The following TSGA10 variants were observed in gnomAD, a reference collection of about 807,000 sequenced individuals.
The protein encoded by TSGA10 is testis-specific gene 10 protein.
TSGA10 carries 43 observed loss-of-function variants against 96.6 expected under a neutral mutation model. The observed-to-expected ratio is 0.44, with a 90% CI of 0.35 to 0.57. TSGA10 has a LOEUF of 0.57. TSGA10 is among the 20% of genes least tolerant of loss of function. TSGA10 has a pLI of 0.01. For missense variants in TSGA10, 703 were observed against 834.4 expected, an observed-to-expected ratio of 0.84 and a Z score of 1.94; for synonymous variants, 229 against 269.9, an observed-to-expected ratio of 0.85 and a Z score of 1.48.
intron 4 of TSGA10, among the ~76,000 whole-genome samples, 189 bp from the exon 5 acceptor site, chr2:99,111,104 A>G (rs574346447): frequency 6.6e-6 from 1 of 152,294 alleles, no homozygotes; most frequent in South Asian, 2.1e-4. Context: ...CCAGAATGAA[A>G]TAACAATTCT....
intron 20 of TSGA10, among the ~76,000 whole-genome samples, chr2:99,016,599 C>G (rs1269004492): frequency 3.3e-5 from 5 of 152,116 alleles, no homozygotes; most frequent in African/African-American, 4.8e-5. Context: ...GATTTCATGA[C>G]CAAGAACCCA....
intron 20 of TSGA10, among the ~76,000 whole-genome samples, chr2:99,008,788 G>A (rs2078728171): frequency 6.6e-6 from 1 of 152,156 alleles, no homozygotes; most frequent in African/African-American, 2.4e-5. Flanking sequence ...AGTTTAGGAG[G>A]TGGGTTGCAT....
chr2:99,061,134 G>T (rs966242194), intron 16 of TSGA10, among the ~76,000 whole-genome samples: 1 of 152,126 alleles, frequency 6.6e-6, no homozygotes, highest in Non-Finnish European at 1.5e-5. Flanking sequence ...CAATGACTGG[G>T]AGAAAATATC....
At chr2:99,090,650 A>C (rs1045262608) in intron 10 of TSGA10, among the ~76,000 whole-genome samples, 1 of 152,204 alleles carries the variant, frequency 6.6e-6, no homozygotes, top group Non-Finnish European at 1.5e-5. Flanking sequence ...CAGCAATAGA[A>C]CTGAACAAAC....
chr2:99,027,683 T>C (rs1457351415), intron 17 of TSGA10, among the ~76,000 whole-genome samples: 1 of 152,090 alleles, frequency 6.6e-6, no homozygotes, highest in Non-Finnish European at 1.5e-5. Context: ...TAATTATTAT[T>C]TGTCAACTAA....
intron 18 of TSGA10, 28 bp from the exon 19 acceptor site, chr2:99,018,668 T>G (rs1400687910): frequency 1.3e-6 from 2 of 1,567,452 alleles, no homozygotes. Flanking sequence ...AGAGTTATAG[T>G]TGACTAAACT....
intron 16 of TSGA10, among the ~76,000 whole-genome samples, chr2:99,039,966 G>A (rs374777075): frequency 3.9e-5 from 6 of 151,952 alleles, no homozygotes; most frequent in East Asian, 1.9e-4. Flanking sequence ...ATGGTTTAAC[G>A]TAAGTAAGTC....
At position 99,065,138 on chromosome 2, in the gene TSGA10, T is replaced by C; in HGVS notation, c.1219-14A>G. 1.1e-5 allele frequency: 18 copies of C among 1,608,598 alleles called. No individual in the cohort carries two copies. Among genetic ancestry groups the C allele is most frequent in the African/African-American group, 2.7e-5 (2 of 74,564 alleles). ...GTTCTCAGATTCCTGAAAAGCAAACTTTAGCTATTACTTTAAAATGCTGAA... is the reference window on the plus strand; with the variant it reads ...GTTCTCAGATTCCTGAAAAGCAAACCTTAGCTATTACTTTAAAATGCTGAA... On this transcript the variant is annotated splice_polypyrimidine_tract_variant and intron_variant, in intron 15 of 20. Transcript: ENST00000393483.
intron 16 of TSGA10, among the ~76,000 whole-genome samples, chr2:99,039,181 A>G (rs1006637903): frequency 2.0e-5 from 3 of 152,046 alleles, no homozygotes; most frequent in Non-Finnish European, 4.4e-5. Context: ...GCCTAAATCA[A>G]AAAGTCTGAA....
intron 18 of TSGA10, among the ~76,000 whole-genome samples, chr2:99,019,222 C>T (rs1558742077): frequency 1.3e-5 from 2 of 152,292 alleles, no homozygotes; most frequent in East Asian, 3.9e-4. Context: ...TCTTCACTTG[C>T]TTTCAGGATA....
At chr2:99,062,390 A>G (rs907473948) in intron 16 of TSGA10, among the ~76,000 whole-genome samples, 1 of 152,204 alleles carries the variant, frequency 6.6e-6, no homozygotes, top group Non-Finnish European at 1.5e-5. Flanking sequence ...ATTAGACACA[A>G]CAAAGTAAAA....
chr2:99,012,301 C>G (rs1011914237), intron 20 of TSGA10, among the ~76,000 whole-genome samples: 12 of 152,092 alleles, frequency 7.9e-5, no homozygotes, highest in Admixed American at 3.9e-4. Flanking sequence ...AAGGCAACAA[C>G]TAATGTGATG....
chr2:99,105,336 C>T, intron 9 of TSGA10, 23 bp downstream of exon 9: 1 of 1,482,028 alleles, frequency 6.7e-7, no homozygotes, highest in South Asian at 1.2e-5. Flanking sequence ...CCAAAAGAGA[C>T]TTTTCTTTTT....
At chr2:99,060,578 G>A (rs565456559) in intron 16 of TSGA10, among the ~76,000 whole-genome samples, 1 of 152,064 alleles carries the variant, frequency 6.6e-6, no homozygotes, top group South Asian at 2.1e-4. Context: ...TTTTTTTTCT[G>A]TAGAAAATGA....
chr2:99,007,872 C>A (rs1208554950), intron 20 of TSGA10, among the ~76,000 whole-genome samples: 1 of 152,144 alleles, frequency 6.6e-6, no homozygotes, highest in Non-Finnish European at 1.5e-5. Context: ...ACCACATAGC[C>A]TCTATAATTA....
intron 20 of TSGA10, among the ~76,000 whole-genome samples, chr2:99,006,384 A>C (rs2078475137): frequency 6.6e-6 from 1 of 152,220 alleles, no homozygotes; most frequent in Non-Finnish European, 1.5e-5. Context: ...ATATTTTTGC[A>C]ATCTACTCAT....
intron 16 of TSGA10, among the ~76,000 whole-genome samples, chr2:99,056,296 A>G (rs946444692): frequency 1.3e-5 from 2 of 152,190 alleles, no homozygotes; most frequent in African/African-American, 4.8e-5. Flanking sequence ...CTGTAGCTAG[A>G]TTGATCTAGA....
At chr2:98,999,332 A>G (rs2077696797) in intron 20 of TSGA10, among the ~76,000 whole-genome samples, 1 of 152,230 alleles carries the variant, frequency 6.6e-6, no homozygotes, top group Non-Finnish European at 1.5e-5. Context: ...ATGCTGGGTG[A>G]AAGTCAACCA....
intron 15 of TSGA10, among the ~76,000 whole-genome samples, chr2:99,066,610 C>T (rs566195156): frequency 2.8e-4 from 43 of 152,136 alleles, no homozygotes; most frequent in South Asian, 1.5e-3. Flanking sequence ...AAAGGGATTC[C>T]GTAGAATGTC....
Sources: allele counts gnomAD v4.1 joint callset (sites outside exome capture counted in the v4.1 genomes callset), GRCh38; gene constraint gnomAD v4.1.1; transcripts MANE v1.5; gene names NCBI Gene and HGNC (gene_info 2026-07-23, HGNC 2026-07-21).